Variants in MAPK8IP1 observed in about 807,000 individuals in gnomAD.
MAPK8IP1 encodes C-Jun-amino-terminal kinase-interacting protein 1.
A neutral mutation model predicts 72.6 loss-of-function variants in MAPK8IP1; 17 were observed. That is an observed-to-expected ratio of 0.23 (90% CI 0.16 to 0.35). The LOEUF (loss-of-function observed/expected upper bound fraction) is 0.35. MAPK8IP1 is among the 10% of genes least tolerant of loss of function. The pLI is 1.00. For synonymous variants in MAPK8IP1, 401 were observed against 443.4 expected, an observed-to-expected ratio of 0.90 and a Z score of 1.20; for missense variants, 789 against 1,009.7, an observed-to-expected ratio of 0.78 and a Z score of 2.96.
rs2086655673 is a variant in MAPK8IP1 at position 45,901,878 on chromosome 11, G to T, written c.523-102G>T. ...TGACAGTGGAGGCGGGGTGGACACAGCAAATGGCCCTAGGGATGGCCTGAG... is the reference window on the plus strand; with the variant it reads ...TGACAGTGGAGGCGGGGTGGACACATCAAATGGCCCTAGGGATGGCCTGAG... On this transcript the variant is annotated intron_variant, in intron 3 of 11. Coordinates refer to ENST00000241014, the MANE Select transcript of MAPK8IP1 (RefSeq NM_005456.4). The T allele has an allele frequency of 6.9e-6, 6 of 875,062 alleles. No individual in the cohort carries two copies. The Admixed American group carries it at 1.0e-4, about 15-fold the overall frequency. The allele number at this position is 875,062 out of a possible 1,614,324, so 54.2% of individuals were successfully genotyped here.
chr11:45,905,180 C>T lies in MAPK8IP1; in HGVS notation c.1994C>T (p.Ala665Val). The T allele has an allele frequency of 6.2e-7, 1 of 1,613,278 alleles. No individual in the cohort carries two copies. The highest frequency in any genetic ancestry group is 8.5e-7 in the Non-Finnish European group (1 of 1,179,978). Residue 665 changes from alanine (A) to valine (V), a missense_variant, in exon 11 of 12, where the codon GCC (alanine) becomes GTC (valine). Around this residue, in one of 4 missense-constraint regions of MAPK8IP1, gnomAD observed 188 missense variants for 293.3 expected, o/e 0.64. Coordinates refer to ENST00000241014, the MANE Select transcript of MAPK8IP1 (RefSeq NM_005456.4). ...TTTGGGTTCATCACCAAGCACCCCG[C>T]CGACCACCGGTTTGCCTGCCACGTC... ...KYFGFITKHP[A>V]DHRFACHVFV...
chr11:45,895,684 A>G (rs2086600174), intron 1 of MAPK8IP1, among the ~76,000 whole-genome samples: 1 of 150,460 alleles, frequency 6.6e-6, no homozygotes, highest in Non-Finnish European at 1.5e-5. Context: ...CTGGCAGAGC[A>G]GGGGCATTTC....
chr11:45,889,083 T>A (rs1468678507), intron 1 of MAPK8IP1, among the ~76,000 whole-genome samples: 1 of 152,194 alleles, frequency 6.6e-6, no homozygotes, highest in Admixed American at 6.5e-5. Flanking sequence ...TTTTTTTGGA[T>A]TTTGGAATAT....
intron 2 of MAPK8IP1, among the ~76,000 whole-genome samples, chr11:45,898,542 CCCTGGCAGAGGGCCTGAGGCAGA>C (rs2086624907): frequency 6.6e-6 from 1 of 152,122 alleles, no homozygotes; most frequent in Non-Finnish European, 1.5e-5. Context: ...TTGGGAGCAG[CCCTGGCAGAGGGCCTGAGGCAGA>C]CAGGGTGGAG....
chr11:45,900,102 G>T lies in MAPK8IP1; in HGVS notation c.208-36G>T. On this transcript the variant is annotated intron_variant, in intron 2 of 11. Coordinates refer to ENST00000241014, the MANE Select transcript of MAPK8IP1 (RefSeq NM_005456.4). This position sits in a 1 kb window ranked among gnomAD's most constrained non-coding sequence, Gnocchi z 6.5. The stretch of plus-strand genomic sequence containing the variant: ...TGCAAGCGGCCTCGGCCCCGCCCCG[G>T]CCCCGCCCCCTGACGCCCCTCCGTG... 5.9e-6 allele frequency: 7 copies of T among 1,181,374 alleles called. No individual in the cohort carries two copies. The highest frequency in any genetic ancestry group is 7.3e-6 in the Non-Finnish European group (7 of 953,428). The allele number at this position is 1,181,374 out of a possible 1,614,324, so 73.2% of individuals were successfully genotyped here. A position where few individuals can be genotyped will look rare whatever the true frequency, so the allele number is the denominator to read the frequency against.
rs2086621578 is a variant in MAPK8IP1 at position 45,898,077 on chromosome 11, C to T, written c.102-8C>T. The T allele has an allele frequency of 6.3e-7, 1 of 1,597,608 alleles. No homozygotes were observed. The highest frequency in any genetic ancestry group is 1.3e-5 in the African/African-American group (1 of 74,652). On this transcript the variant is annotated splice_region_variant and splice_polypyrimidine_tract_variant and intron_variant, in intron 1 of 11. Transcript: ENST00000241014. Reference sequence around the variant, plus strand: ...TGAGTTGTAACTTTGGCTTCCTGTCCCCACCAGGCTCACCCATGACATCAG... The same window carrying T: ...TGAGTTGTAACTTTGGCTTCCTGTCTCCACCAGGCTCACCCATGACATCAG...
At chr11:45,894,834 T>C (rs562652512) in intron 1 of MAPK8IP1, among the ~76,000 whole-genome samples, 1 of 152,276 alleles carries the variant, frequency 6.6e-6, no homozygotes, top group South Asian at 2.1e-4. Context: ...CATCCACCTT[T>C]GGAGCAGCCA....
At chr11:45,896,692 C>T (rs920010919) in intron 1 of MAPK8IP1, 184 of 1,412,196 alleles carry the variant, frequency 1.3e-4, no homozygotes, top group Non-Finnish European at 1.5e-4. Flanking sequence ...GCTGCAGCCT[C>T]CTCTCCTGGC....
intron 1 of MAPK8IP1, among the ~76,000 whole-genome samples, chr11:45,890,572 A>G (rs1207590610): frequency 6.6e-6 from 1 of 151,980 alleles, no homozygotes; most frequent in East Asian, 1.9e-4. Context: ...TGCTGGTAAG[A>G]AGGAGGGACA....
chr11:45,886,973 A>G (rs2086532279), intron 1 of MAPK8IP1, among the ~76,000 whole-genome samples: 1 of 152,124 alleles, frequency 6.6e-6, no homozygotes, highest in African/African-American at 2.4e-5. Flanking sequence ...TAATAGCATC[A>G]TCAAACTCAG....
Position 45,903,283 on chromosome 11 carries a change from T to A in MAPK8IP1, c.1418-82T>A. 3 of 1,585,374 alleles carry A rather than the reference T, an allele frequency of 1.9e-6. No homozygotes were observed. Among genetic ancestry groups the A allele is most frequent in the Non-Finnish European group, 2.6e-6 (3 of 1,159,198 alleles). ...GGAGGCGACCCCAGGCCCCATCTGG[T>A]TAGGACTGAGGCTTCTACCTGCCCC... On this transcript the variant is annotated intron_variant, in intron 5 of 11. Coordinates refer to ENST00000241014, the MANE Select transcript of MAPK8IP1 (RefSeq NM_005456.4). This position sits in a 1 kb window ranked among gnomAD's most constrained non-coding sequence, Gnocchi z 6.4.
intron 3 of MAPK8IP1, among the ~76,000 whole-genome samples, chr11:45,901,398 G>A (rs866771379): frequency 1.3e-5 from 2 of 152,186 alleles, no homozygotes; most frequent in South Asian, 2.1e-4. Context: ...CTGTGGTGGG[G>A]GGTGCAGGAA....
intron 1 of MAPK8IP1, among the ~76,000 whole-genome samples, chr11:45,897,806 C>A (rs966680463): frequency 6.6e-6 from 1 of 152,210 alleles, no homozygotes; most frequent in African/African-American, 2.4e-5. Flanking sequence ...TAAGCACTGC[C>A]TGCTGGTTGG....
chr11:45,887,625 G>A (rs1304144140), intron 1 of MAPK8IP1, among the ~76,000 whole-genome samples: 1 of 152,324 alleles, frequency 6.6e-6, no homozygotes, highest in Admixed American at 6.5e-5. Context: ...TCCTCGACCT[G>A]CTTCCCCAGG....
chr11:45,896,608 A>T, intron 1 of MAPK8IP1: 1 of 1,343,038 alleles, frequency 7.4e-7, no homozygotes, highest in Admixed American at 3.1e-5. Context: ...CGCAAGGGCC[A>T]GGCCAGCCGG....
rs569881220 is a variant in MAPK8IP1 at position 45,902,501 on chromosome 11, T to G, written c.734T>G (p.Met245Arg). The G allele has an allele frequency of 1.1e-4, 180 of 1,608,436 alleles. 1 individual carries two copies. The South Asian group carries it at 1.8e-3, about 16-fold the overall frequency. The change falls in exon 5 of 12, where the codon ATG becomes AGG. Residue 245 changes from methionine (M) to arginine (R), a missense_variant. This residue lies in a region of MAPK8IP1 where 377 missense variants were observed against 411.7 expected (regional missense o/e 0.92). Coordinates refer to ENST00000241014, the MANE Select transcript of MAPK8IP1 (RefSeq NM_005456.4). This position sits in a 1 kb window ranked among gnomAD's most constrained non-coding sequence, Gnocchi z 9.3. ...TGCCGCCGCAGCACAGCCACCCAGATGGCACCTCCGGGTGGTCCCCCTGCT... is the reference window on the plus strand; with the variant it reads ...TGCCGCCGCAGCACAGCCACCCAGAGGGCACCTCCGGGTGGTCCCCCTGCT... ...SPCRRSTATQ[M>R]APPGGPPAAP...
chr11:45,892,704 G>A (rs1476337984), intron 1 of MAPK8IP1, among the ~76,000 whole-genome samples: 2 of 152,190 alleles, frequency 1.3e-5, no homozygotes, highest in East Asian at 3.9e-4. Flanking sequence ...TGGTTGGAGG[G>A]AAAGGAGGCT....
intron 1 of MAPK8IP1, among the ~76,000 whole-genome samples, chr11:45,894,211 G>A (rs924310142): frequency 6.6e-6 from 1 of 152,204 alleles, no homozygotes; most frequent in Non-Finnish European, 1.5e-5. Flanking sequence ...CAAGGTTGTT[G>A]CAATGAGGAT....
At chr11:45,896,832 G>C (rs763630293) in intron 1 of MAPK8IP1, 11 of 1,547,246 alleles carry the variant, frequency 7.1e-6, no homozygotes, top group Non-Finnish European at 7.9e-6. Context: ...CCGGGCATGA[G>C]AGGGCAGCCC....
Sources: gnomAD v4.1 joint callset for allele counts (sites outside exome capture counted in the v4.1 genomes callset) on GRCh38, gnomAD v4.1.1 for gene constraint, gnomAD v4.1.1 regional missense constraint, Gnocchi (gnomAD v3.1) non-coding constraint, MANE v1.5 for transcripts, NCBI Gene and HGNC (gene_info 2026-07-23, HGNC 2026-07-21) for gene names.